TMEM127: variants seen among roughly 807,000 people sequenced by gnomAD.
The protein encoded by TMEM127 is transmembrane protein 127.
TMEM127 carries 21 observed loss-of-function variants against 20.1 expected under a neutral mutation model. The observed-to-expected ratio is 1.04, with a 90% CI of 0.74 to 1.50. The LOEUF is 1.50. Ranked by LOEUF, TMEM127 falls within the 40% of genes most tolerant of loss-of-function variation. The probability of loss-of-function intolerance (pLI) is 0.00; values close to 1 mark genes in which losing one functional copy is unlikely to be tolerated. For missense variants in TMEM127, 303 were observed against 317.4 expected (o/e 0.95, Z 0.34); for synonymous variants, 150 against 144.7 (o/e 1.04, Z -0.26).
chr2:96,262,086 C>A (rs1477093334), intron 2 of TMEM127, among the ~76,000 whole-genome samples: 5 of 152,088 alleles, frequency 3.3e-5, no homozygotes, highest in Admixed American at 6.6e-5. Context: ...CAAGGTGAAA[C>A]CTCATCTCTA....
Position 96,250,528 on chromosome 2 carries a change from A to G in TMEM127, c.*3280T>C, listed in dbSNP as rs1684064882. Reference sequence around the variant, plus strand: ...GTCACTGTATATTTCATGGTGCCTAATGGTGCTTTGTCTGAATGGACATGA... The same window carrying G: ...GTCACTGTATATTTCATGGTGCCTAGTGGTGCTTTGTCTGAATGGACATGA... On this transcript the variant is annotated 3_prime_UTR_variant, in exon 4 of 4. Coordinates refer to ENST00000258439, the MANE Select transcript of TMEM127 (RefSeq NM_017849.4). The G allele has an allele frequency of 1.7e-5, 4 of 232,738 alleles. No homozygotes were observed. In the South Asian group the frequency reaches 7.2e-4, roughly 42 times the overall value. 14.4% of individuals were successfully genotyped at this position (232,738 alleles called of 1,614,324 possible).
chr2:96,251,185 A>G lies in TMEM127; in HGVS notation c.*2623T>C, dbSNP rs1684079767. 4.6e-6 allele frequency: 1 copy of G among 216,562 alleles called. No homozygotes were observed. The highest frequency in any genetic ancestry group is 2.3e-5 in the African/African-American group (1 of 44,414). 13.4% of individuals were successfully genotyped at this position (216,562 alleles called of 1,614,324 possible). A position where few individuals can be genotyped will look rare whatever the true frequency, so the allele number is the denominator to read the frequency against. On this transcript the variant is annotated 3_prime_UTR_variant, in exon 4 of 4. Transcript: ENST00000258439. ...AGCTCTGGGGGTGAAAATGCCATGCACGGAGCTGGCCCATGCCAAGTCCCT... is the reference window on the plus strand; with the variant it reads ...AGCTCTGGGGGTGAAAATGCCATGCGCGGAGCTGGCCCATGCCAAGTCCCT...
At position 96,253,946 on chromosome 2, in the gene TMEM127, G is replaced by T. The variant is rs2104283859; in HGVS notation, c.579C>A (p.Ala193=). ...AGGASILATA[A]NLLRHYPTEE... is the part of the protein sequence containing the mutation. ...CTGTGGGGTAGTGGCGCAGGAGGTT[G>T]GCTGCCGTGGCCAGGATTGAGGCTC... The change falls in exon 4 of 4, where the codon GCC becomes GCA. Residue 193 remains alanine, a synonymous_variant. Transcript: ENST00000258439. The surrounding 1 kb of genome is among the most constrained non-coding windows in gnomAD (Gnocchi z 4.3). The T allele has an allele frequency of 6.2e-7, 1 of 1,614,188 alleles. No individual in the cohort carries two copies. The highest frequency in any genetic ancestry group is 8.5e-7 in the Non-Finnish European group (1 of 1,180,024).
chr2:96,250,251 C>G lies in TMEM127; in HGVS notation c.*3557G>C, dbSNP rs545781904. 1.1e-3 allele frequency: 254 copies of G among 233,226 alleles called. 1 individual carries two copies. The highest frequency in any genetic ancestry group is 5.2e-3 in the African/African-American group (235 of 45,446). 14.4% of individuals were successfully genotyped at this position (233,226 alleles called of 1,614,324 possible). ...CCTTTCTAACCTCGGCTCTTACCACCTCCTGGCCACCAGTGTGCTTTTGCT... is the reference window on the plus strand; with the variant it reads ...CCTTTCTAACCTCGGCTCTTACCACGTCCTGGCCACCAGTGTGCTTTTGCT... On this transcript the variant is annotated 3_prime_UTR_variant, in exon 4 of 4. Coordinates refer to ENST00000258439, the MANE Select transcript of TMEM127 (RefSeq NM_017849.4).
At position 96,253,035 on chromosome 2, in the gene TMEM127, T is replaced by C. The variant is rs1684124135; in HGVS notation, c.*773A>G. The C allele has an allele frequency of 4.3e-6, 1 of 233,174 alleles. No individual in the cohort carries two copies. The highest frequency in any genetic ancestry group is 2.2e-5 in the African/African-American group (1 of 45,348). 14.4% of individuals were successfully genotyped at this position (233,174 alleles called of 1,614,324 possible). ...TTTTAAAAACAGAATATTGTTGCTG[T>C]TGCCTGGTTTCATTTTTTTCCTTTT... On this transcript the variant is annotated 3_prime_UTR_variant, in exon 4 of 4. Transcript: ENST00000258439. This position sits in a 1 kb window ranked among gnomAD's most constrained non-coding sequence, Gnocchi z 4.3.
chr2:96,253,740 C>T lies in TMEM127; in HGVS notation c.*68G>A. ...GTGAGGCCTGCTGGGGAAAGGAGCT[C>T]CTCTGGGTGCGAGAGGAGCTGCAGA... On this transcript the variant is annotated 3_prime_UTR_variant, in exon 4 of 4. Coordinates refer to ENST00000258439, the MANE Select transcript of TMEM127 (RefSeq NM_017849.4). The surrounding 1 kb of genome is among the most constrained non-coding windows in gnomAD (Gnocchi z 4.3). The T allele has an allele frequency of 6.5e-7, 1 of 1,534,514 alleles. No homozygotes were observed. The highest frequency in any genetic ancestry group is 8.8e-7 in the Non-Finnish European group (1 of 1,132,750).
In TMEM127 at chr2:96,265,871, G is replaced by A; in HGVS notation, c.-134C>T. The A allele has an allele frequency of 5.9e-6, 1 of 170,874 alleles. No homozygotes were observed. Among genetic ancestry groups the A allele is most frequent in the Non-Finnish European group, 1.2e-5 (1 of 80,436 alleles). 10.6% of individuals were successfully genotyped at this position (170,874 alleles called of 1,614,324 possible). A position where few individuals can be genotyped will look rare whatever the true frequency, so the allele number is the denominator to read the frequency against. On this transcript the variant is annotated splice_region_variant and 5_prime_UTR_variant, in exon 1 of 4. Coordinates refer to ENST00000258439, the MANE Select transcript of TMEM127 (RefSeq NM_017849.4). ...CCACGCCGCCCACTGTTCCTCACCA[G>A]TCAGCAGGCCCCAGGGCTGGGATGG...
rs1203315773 is a variant in TMEM127, at chr2:96,251,225, A to G, written c.*2583T>C. On this transcript the variant is annotated 3_prime_UTR_variant, in exon 4 of 4. Transcript: ENST00000258439. ...GCCAAGTCCCTTCTAACTATTTTAA[A>G]TTACATCTTTGGCCAGGCACGGTGG... The G allele has an allele frequency of 1.4e-5, 3 of 213,116 alleles. No homozygotes were observed. In the Admixed American group the frequency reaches 1.8e-4, roughly 13 times the overall value. 13.2% of individuals were successfully genotyped at this position (213,116 alleles called of 1,614,324 possible). A position where few individuals can be genotyped will look rare whatever the true frequency, so the allele number is the denominator to read the frequency against.
intron 2 of TMEM127, among the ~76,000 whole-genome samples, chr2:96,256,571 CAAAAAA>C: frequency 1.8e-5 from 1 of 54,666 alleles, no homozygotes; most frequent in East Asian, 5.2e-4. Context: ...AACTCTGTCT[CAAAAAA>C]AAAAAAAAAA....
chr2:96,261,663 A>C (rs1457813176), intron 2 of TMEM127, among the ~76,000 whole-genome samples: 1 of 152,198 alleles, frequency 6.6e-6, no homozygotes, highest in Non-Finnish European at 1.5e-5. Flanking sequence ...ATGGGAAATA[A>C]ACTCGGAGCT....
rs1573968718 is a variant in TMEM127 at position 96,253,490 on chromosome 2, A to G, written c.*318T>C. ...GTCCGCTCTCAGCAGCTCTCCAAGGAAAGTCTCGGTCCCAAAGATATCGCC... is the reference window on the plus strand; with the variant it reads ...GTCCGCTCTCAGCAGCTCTCCAAGGGAAGTCTCGGTCCCAAAGATATCGCC... On this transcript the variant is annotated 3_prime_UTR_variant, in exon 4 of 4. Coordinates refer to ENST00000258439, the MANE Select transcript of TMEM127 (RefSeq NM_017849.4). This position sits in a 1 kb window ranked among gnomAD's most constrained non-coding sequence, Gnocchi z 4.3. The G allele has an allele frequency of 2.0e-5, 8 of 403,070 alleles. No homozygotes were observed. The East Asian group carries it at 2.8e-4, about 14-fold the overall frequency. The allele number at this position is 403,070 out of a possible 1,614,324, so 25.0% of individuals were successfully genotyped here.
intron 2 of TMEM127, among the ~76,000 whole-genome samples, 162 bp downstream of exon 2, chr2:96,264,976 A>G (rs889787493): frequency 3.3e-5 from 5 of 152,194 alleles, no homozygotes; most frequent in African/African-American, 1.2e-4. Flanking sequence ...AGAATTAATG[A>G]GGGGCCGGAC....
chr2:96,260,591 G>A (rs189210145), intron 2 of TMEM127: 2 of 152,266 alleles, frequency 1.3e-5, no homozygotes, highest in East Asian at 3.9e-4. Context: ...GGATCCCATG[G>A]AACTGACTTT....
At position 96,251,635 on chromosome 2, in the gene TMEM127, T is replaced by C. The variant is rs962963912; in HGVS notation, c.*2173A>G. 7 of 232,936 alleles carry C rather than the reference T, an allele frequency of 3.0e-5. No individual in the cohort carries two copies. Among genetic ancestry groups the C allele is most frequent in the African/African-American group, 6.6e-5 (3 of 45,272 alleles). 14.4% of individuals were successfully genotyped at this position (232,936 alleles called of 1,614,324 possible). ...GTGACAGAAAAATGACAGGCAGCCA[T>C]TGTCATTTCCATTCTTATTCGTGGT... is the stretch of plus-strand genomic sequence containing the variant. On this transcript the variant is annotated 3_prime_UTR_variant, in exon 4 of 4. Coordinates refer to ENST00000258439, the MANE Select transcript of TMEM127 (RefSeq NM_017849.4).
rs543278423 is a variant in TMEM127, at chr2:96,259,297, C to A, written c.245-4300G>T. On this transcript the variant is annotated intron_variant, in intron 2 of 3. Transcript: ENST00000258439. ...AGAAGGTGAAGTGGCTTCCTCCAGG[C>A]CACACGCTGCAGAGCTAGATTCCAA... Among the ~76,000 whole-genome samples, 11 of 152,344 alleles carry A rather than the reference C, an allele frequency of 7.2e-5. 1 individual carries two copies. The South Asian group carries it at 2.3e-3, about 32-fold the overall frequency.
chr2:96,265,583 A>G, intron 1 of TMEM127, 71 bp from the exon 2 acceptor site: 2 of 571,834 alleles, frequency 3.5e-6, no homozygotes, highest in East Asian at 7.8e-5. Context: ...GGCTGCGGGA[A>G]TTCGGGGGGC....
chr2:96,264,789 T>G (rs1684379715), intron 2 of TMEM127, among the ~76,000 whole-genome samples: 1 of 152,236 alleles, frequency 6.6e-6, no homozygotes, highest in African/African-American at 2.4e-5. Context: ...TTAATCAGTC[T>G]GCCCCAAAGA....
chr2:96,255,335 A>G (rs1488344343), intron 2 of TMEM127, among the ~76,000 whole-genome samples: 1 of 152,216 alleles, frequency 6.6e-6, no homozygotes, highest in African/African-American at 2.4e-5. Context: ...GCTAAAGGAT[A>G]TTTTGAGCTG....
chr2:96,257,394 G>C (rs1056855719), intron 2 of TMEM127, among the ~76,000 whole-genome samples: 1 of 151,952 alleles, frequency 6.6e-6, no homozygotes, highest in Non-Finnish European at 1.5e-5. Flanking sequence ...CCCTGGAGAC[G>C]GAGGTTGCAG....
Sources: gnomAD v4.1 joint callset for allele counts (sites outside exome capture counted in the v4.1 genomes callset) on GRCh38, gnomAD v4.1.1 for gene constraint, Gnocchi (gnomAD v3.1) non-coding constraint, MANE v1.5 for transcripts, NCBI Gene and HGNC (gene_info 2026-07-23, HGNC 2026-07-21) for gene names.